GLIS3: variants seen among roughly 807,000 people sequenced by gnomAD.
The protein encoded by GLIS3 is GLIS family zinc finger 3.
Under a neutral mutation model 78.6 loss-of-function variants are expected in GLIS3, and 53 were observed. The observed-to-expected ratio is 0.67, with a 90% CI of 0.54 to 0.85. The LOEUF (loss-of-function observed/expected upper bound fraction) is 0.85, where lower values mean the gene tolerates loss of function less well. Ranked by LOEUF, GLIS3 falls within the 40% of genes least tolerant of loss-of-function variation. The pLI is 0.00. For synonymous variants in GLIS3, 684 were observed against 509.9 expected, an observed-to-expected ratio of 1.34 and a Z score of -4.60; for missense variants, 1,703 against 1,231.1, an observed-to-expected ratio of 1.38 and a Z score of -5.74.
intron 4 of GLIS3, among the ~76,000 whole-genome samples, chr9:4,043,818 T>C (rs1264829389): frequency 1.3e-5 from 2 of 152,216 alleles, no homozygotes; most frequent in African/African-American, 4.8e-5. Flanking sequence ...TTATTTCCTA[T>C]GAAGACAAGA....
intron 2 of GLIS3, among the ~76,000 whole-genome samples, chr9:4,338,528 A>G (rs1215083960): frequency 2.0e-5 from 3 of 152,114 alleles, no homozygotes; most frequent in African/African-American, 7.2e-5. Flanking sequence ...TCTACTAGTC[A>G]ATGACTGTAT....
chr9:4,004,369 G>C (rs1410643353), intron 4 of GLIS3, among the ~76,000 whole-genome samples: 2 of 152,110 alleles, frequency 1.3e-5, no homozygotes, highest in Non-Finnish European at 1.5e-5. Context: ...GCCAGGGAAG[G>C]AGTTTAATAC....
At chr9:3,959,741 C>T (rs1315759243) in intron 4 of GLIS3, among the ~76,000 whole-genome samples, 3 of 152,308 alleles carry the variant, frequency 2.0e-5, no homozygotes. Context: ...ATTATCGCTC[C>T]CTCCCAAATA....
chr9:4,122,269 T>C (rs1832248764), intron 3 of GLIS3, among the ~76,000 whole-genome samples: 1 of 152,042 alleles, frequency 6.6e-6, no homozygotes, highest in Admixed American at 6.5e-5. Context: ...AAAGAAAAAA[T>C]ATATTCCCTA....
At chr9:4,437,733 G>C in the GLIS3 span, among the ~76,000 whole-genome samples, 1 of 152,024 alleles carries the variant, frequency 6.6e-6, no homozygotes, top group Non-Finnish European at 1.5e-5. Flanking sequence ...GAAATAGCAA[G>C]ACCAAACCCA....
At chr9:4,382,338 T>C in the GLIS3 span, among the ~76,000 whole-genome samples, 4 of 152,208 alleles carry the variant, frequency 2.6e-5, no homozygotes, top group African/African-American at 7.2e-5. Context: ...TAGAGCATTA[T>C]TGAACAGTAT....
chr9:3,903,001 A>G (rs1823424055), intron 6 of GLIS3, among the ~76,000 whole-genome samples: 1 of 152,138 alleles, frequency 6.6e-6, no homozygotes, highest in Admixed American at 6.5e-5. Context: ...GGACTTGGAG[A>G]TACTGGGAAG....
chr9:4,310,992 G>A (rs999770809), intron 2 of GLIS3, among the ~76,000 whole-genome samples: 1 of 152,180 alleles, frequency 6.6e-6, no homozygotes, highest in Non-Finnish European at 1.5e-5. Context: ...ATACAGACAA[G>A]GTGTACAGGA....
At chr9:4,184,428 C>A (rs1210828127) in intron 2 of GLIS3, among the ~76,000 whole-genome samples, 2 of 151,964 alleles carry the variant, frequency 1.3e-5, no homozygotes, top group African/African-American at 4.8e-5. Context: ...ATTCGAATAC[C>A]CCCACTTCAA....
chr9:4,386,592 C>G, the GLIS3 span: 1 of 152,092 alleles, frequency 6.6e-6, no homozygotes, highest in Non-Finnish European at 1.5e-5. Flanking sequence ...TGAAAGTACT[C>G]CATGGTGTGG....
At chr9:4,370,003 C>G in the GLIS3 span, among the ~76,000 whole-genome samples, 2 of 151,908 alleles carry the variant, frequency 1.3e-5, no homozygotes, top group Non-Finnish European at 1.5e-5. Context: ...ACCAGCCTGG[C>G]CAAAATGGTG....
chr9:3,826,335 A>G lies in GLIS3; in HGVS notation c.*1937T>C, dbSNP rs1314697340. 1 of 152,188 alleles carries G rather than the reference A, an allele frequency of 6.6e-6. No homozygotes were observed. The highest frequency in any genetic ancestry group is 6.5e-5 in the Admixed American group (1 of 15,276). The allele number at this position is 152,188 out of a possible 1,614,324, so 9.4% of individuals were successfully genotyped here. On this transcript the variant is annotated 3_prime_UTR_variant, in exon 11 of 11. Transcript: ENST00000381971. The stretch of plus-strand genomic sequence containing the variant: ...GGGATGCTACTAGCTGTGAGCATGC[A>G]TATGTTAGGCCACTTGTTTAGGCCA...
intron 7 of GLIS3, among the ~76,000 whole-genome samples, chr9:3,894,952 C>T (rs899700956): frequency 6.6e-5 from 10 of 152,130 alleles, no homozygotes; most frequent in Non-Finnish European, 1.5e-4. Flanking sequence ...GTCTTCATGG[C>T]TTAGGTCATT....
intron 4 of GLIS3, among the ~76,000 whole-genome samples, chr9:4,042,587 C>T (rs911309549): frequency 6.6e-6 from 1 of 152,158 alleles, no homozygotes; most frequent in African/African-American, 2.4e-5. Context: ...AAGATTTCCA[C>T]ACTGATTCTG....
Position 4,253,356 on chromosome 9 carries a change from G to C in GLIS3, c.388+32682C>G, listed in dbSNP as rs377205330. On this transcript the variant is annotated intron_variant, in intron 2 of 10. Transcript: ENST00000381971. ...GTCTAGCTACAGTGGCTTTGCCAAG[G>C]TGCAGTGGGCTCTGCCCAGTTTGAA... Among the ~76,000 whole-genome samples the C allele has an allele frequency of 1.5e-3, 233 of 152,364 alleles. 1 individual carries two copies. Among genetic ancestry groups the C allele is most frequent in the African/African-American group, 5.2e-3 (217 of 41,594 alleles).
chr9:4,459,552 C>T, the GLIS3 span, among the ~76,000 whole-genome samples: 1 of 152,202 alleles, frequency 6.6e-6, no homozygotes, highest in Admixed American at 6.5e-5. Flanking sequence ...TCACTTAAGC[C>T]CAGGAGCTCG....
At chr9:4,000,509 G>A (rs987649337) in intron 4 of GLIS3, among the ~76,000 whole-genome samples, 3 of 152,098 alleles carry the variant, frequency 2.0e-5, no homozygotes, top group African/African-American at 7.2e-5. Context: ...AAAAATATAT[G>A]TTATATTCAC....
At chr9:4,234,790 T>C (rs1020701173) in intron 2 of GLIS3, among the ~76,000 whole-genome samples, 3 of 152,188 alleles carry the variant, frequency 2.0e-5, no homozygotes, top group Admixed American at 6.5e-5. Context: ...TGTGTGTTTA[T>C]TGTTAATATA....
intron 4 of GLIS3, among the ~76,000 whole-genome samples, chr9:4,029,416 T>C (rs1004719729): frequency 3.9e-5 from 6 of 152,128 alleles, no homozygotes; most frequent in Admixed American, 2.0e-4. Flanking sequence ...TCATGGAAAA[T>C]GTGTTATCCG....
Sources: gnomAD v4.1 joint callset for allele counts (sites outside exome capture counted in the v4.1 genomes callset) on GRCh38, gnomAD v4.1.1 for gene constraint, MANE v1.5 for transcripts, NCBI Gene and HGNC (gene_info 2026-07-23, HGNC 2026-07-21) for gene names.